Variants in DCBLD2 observed in about 807,000 individuals in gnomAD.
DCBLD2 encodes the protein discoidin, CUB and LCCL domain-containing protein 2.
In DCBLD2, 54 loss-of-function variants were observed where a neutral mutation model predicts 86.8. That is an observed-to-expected ratio of 0.62 (90% CI 0.50 to 0.78). The LOEUF (loss-of-function observed/expected upper bound fraction) is 0.78. Ranked by LOEUF, DCBLD2 falls within the 30% of genes least tolerant of loss-of-function variation. The pLI is 0.00. For synonymous variants in DCBLD2, 354 were observed against 341.3 expected, an observed-to-expected ratio of 1.04 and a Z score of -0.41; for missense variants, 908 against 954.2, an observed-to-expected ratio of 0.95 and a Z score of 0.64.
chr3:98,891,799 C>A (rs941277029), intron 1 of DCBLD2, among the ~76,000 whole-genome samples: 2 of 152,154 alleles, frequency 1.3e-5, no homozygotes, highest in Admixed American at 1.3e-4. Context: ...AACGTCCCTC[C>A]TCCTTTTATC....
chr3:98,850,811 C>T (rs1942821864), intron 2 of DCBLD2, among the ~76,000 whole-genome samples: 1 of 152,130 alleles, frequency 6.6e-6, no homozygotes, highest in South Asian at 2.1e-4. Flanking sequence ...GATCCATATA[C>T]AAAAATCAAC....
chr3:98,881,504 TG>T (rs745627488), intron 2 of DCBLD2, 35 bp downstream of exon 2: 1 of 1,527,988 alleles, frequency 6.5e-7, no homozygotes, highest in East Asian at 2.3e-5. Flanking sequence ...GAGACAATGA[TG>T]TATTTACATG....
At chr3:98,811,159 C>T in intron 12 of DCBLD2, 35 bp downstream of exon 12, 1 of 1,553,036 alleles carries the variant, frequency 6.4e-7, no homozygotes, top group Non-Finnish European at 8.7e-7. Flanking sequence ...CAAAACAATA[C>T]TATGTACTAG....
At chr3:98,822,386 T>C in intron 5 of DCBLD2, 25 bp from the exon 6 acceptor site, 1 of 1,600,280 alleles carries the variant, frequency 6.2e-7, no homozygotes, top group Non-Finnish European at 8.5e-7. Context: ...AAGAAAAGAT[T>C]CATTTTTAAT....
At chr3:98,891,741 G>A (rs982619340) in intron 1 of DCBLD2, among the ~76,000 whole-genome samples, 3 of 151,914 alleles carry the variant, frequency 2.0e-5, no homozygotes, top group Admixed American at 6.6e-5. Context: ...CATGCTCCAC[G>A]CTCTCACCTC....
chr3:98,836,466 A>C (rs1942450321), intron 3 of DCBLD2, among the ~76,000 whole-genome samples: 1 of 152,022 alleles, frequency 6.6e-6, no homozygotes, highest in South Asian at 2.1e-4. Context: ...GATCCAGAAC[A>C]AAATGAAAAG....
chr3:98,853,984 G>GTTT, intron 2 of DCBLD2, among the ~76,000 whole-genome samples: 1 of 150,892 alleles, frequency 6.6e-6, no homozygotes, highest in African/African-American at 2.4e-5. Flanking sequence ...TTACGAACAG[G>GTTT]TTTTTTTTTT....
Position 98,867,348 on chromosome 3 carries a change from G to C in DCBLD2, c.433+14192C>G, listed in dbSNP as rs1305580182. 2.6e-5 allele frequency among the ~76,000 whole-genome samples: 4 copies of C among 152,312 alleles called. No individual in the cohort carries two copies. In the East Asian group the frequency reaches 7.7e-4, roughly 29 times the overall value. On this transcript the variant is annotated intron_variant, in intron 2 of 15. Coordinates refer to ENST00000326840, the MANE Select transcript of DCBLD2 (RefSeq NM_080927.4). ...TTCTTCCTATCCATGAGCATGGAAT[G>C]TTCTTCCATTTGTGTCCTCTTTTAT...
Position 98,799,550 on chromosome 3 carries a change from G to T in DCBLD2, c.2150C>A (p.Thr717Lys), listed in dbSNP as rs1268503113. 1.9e-6 allele frequency: 3 copies of T among 1,614,000 alleles called. No homozygotes were observed. The highest frequency in any genetic ancestry group is 2.5e-6 in the Non-Finnish European group (3 of 1,179,898). The part of the protein sequence containing the change: ...QPPPLVGTYN[T>K]LLSRTDSCSS... ...GCAGCTGTCAGTCCTGGAGAGAAGTGTATTGTAAGTTCCCACTAGTGGGGG... is the reference window on the plus strand; with the variant it reads ...GCAGCTGTCAGTCCTGGAGAGAAGTTTATTGTAAGTTCCCACTAGTGGGGG... The change falls in exon 16 of 16, where the codon ACA becomes AAA. Residue 717 changes from threonine (T) to lysine (K), a missense_variant. Around this residue, in one of 3 missense-constraint regions of DCBLD2, gnomAD observed 606 missense variants for 678.5 expected, o/e 0.89. Coordinates refer to ENST00000326840, the MANE Select transcript of DCBLD2 (RefSeq NM_080927.4).
At chr3:98,833,305 T>G (rs1234945205) in intron 3 of DCBLD2, among the ~76,000 whole-genome samples, 2 of 152,236 alleles carry the variant, frequency 1.3e-5, no homozygotes, top group Non-Finnish European at 2.9e-5. Flanking sequence ...TTTTTTGCAC[T>G]GGCTATTTTA....
At chr3:98,881,792 T>C (rs1408092548) in intron 1 of DCBLD2, 25 bp from the exon 2 acceptor site, 21 of 1,575,220 alleles carry the variant, frequency 1.3e-5, no homozygotes, top group Admixed American at 1.8e-5. Flanking sequence ...AAAAGAATGA[T>C]AAATTATTCT....
chr3:98,837,883 TC>T (rs1170585376), intron 3 of DCBLD2, among the ~76,000 whole-genome samples: 592 of 124,332 alleles, frequency 4.8e-3, no homozygotes, highest in African/African-American at 0.02. Context: ...CCCCCCCACC[TC>T]CCTCCCGGAT....
chr3:98,852,235 C>T (rs1198568009), intron 2 of DCBLD2, among the ~76,000 whole-genome samples: 1 of 144,134 alleles, frequency 6.9e-6, no homozygotes, highest in Admixed American at 7.4e-5. Context: ...TCTTTTAATG[C>T]TTCTAGGATA....
At position 98,885,185 on chromosome 3, in the gene DCBLD2, T is replaced by A. The variant is rs72936670; in HGVS notation, c.206-3418A>T. ...AACGTGCCAAGAATGTTCTAAAATATGTGATGGAGTTCAGAGCTTCCTCCT... is the reference window on the plus strand; with the variant it reads ...AACGTGCCAAGAATGTTCTAAAATAAGTGATGGAGTTCAGAGCTTCCTCCT... On this transcript the variant is annotated intron_variant, in intron 1 of 15. Coordinates refer to ENST00000326840, the MANE Select transcript of DCBLD2 (RefSeq NM_080927.4). Among the ~76,000 whole-genome samples the A allele has an allele frequency of 6.3e-3, 960 of 152,148 alleles. 10 individuals carry two copies. The highest frequency in any genetic ancestry group is 0.022 in the African/African-American group (905 of 41,508).
At chr3:98,839,114 TTTCTTTTTC>T (rs1355294585) in intron 3 of DCBLD2, among the ~76,000 whole-genome samples, 2 of 104,590 alleles carry the variant, frequency 1.9e-5, no homozygotes, top group Non-Finnish European at 4.1e-5. Context: ...TCTTTCTTTC[TTTCTTTTTC>T]TTTCTTTCCT....
intron 2 of DCBLD2, among the ~76,000 whole-genome samples, chr3:98,874,240 T>C (rs889210465): frequency 6.6e-6 from 1 of 152,234 alleles, no homozygotes; most frequent in Non-Finnish European, 1.5e-5. Flanking sequence ...TTTTTATTTG[T>C]ATGTATAGTA....
chr3:98,803,681 T>C (rs1941773246), intron 13 of DCBLD2, among the ~76,000 whole-genome samples: 1 of 152,212 alleles, frequency 6.6e-6, no homozygotes, highest in African/African-American at 2.4e-5. Flanking sequence ...GGCTGTGGGT[T>C]TGTCATACAT....
At position 98,817,760 on chromosome 3, in the gene DCBLD2, T is replaced by C; in HGVS notation, c.1212+9A>G. The stretch of plus-strand genomic sequence containing the variant: ...ATGTTTTTTAAAAATACCTTGGTAA[T>C]CATTTTACCTTATCTTGCTCCACAC... On this transcript the variant is annotated intron_variant, in intron 9 of 15. Coordinates refer to ENST00000326840, the MANE Select transcript of DCBLD2 (RefSeq NM_080927.4). The C allele has an allele frequency of 6.2e-7, 1 of 1,612,552 alleles. No individual in the cohort carries two copies. Among genetic ancestry groups the C allele is most frequent in the South Asian group, 1.1e-5 (1 of 90,980 alleles).
intron 3 of DCBLD2, among the ~76,000 whole-genome samples, chr3:98,849,183 A>T (rs1485263875): frequency 6.9e-6 from 1 of 144,900 alleles, no homozygotes. Context: ...AAAAAAAAAA[A>T]GTTATTATAG....
Sources: gnomAD v4.1 joint callset for allele counts (sites outside exome capture counted in the v4.1 genomes callset) on GRCh38, gnomAD v4.1.1 for gene constraint, gnomAD v4.1.1 regional missense constraint, MANE v1.5 for transcripts, NCBI Gene and HGNC (gene_info 2026-07-23, HGNC 2026-07-21) for gene names.